The following USP39 variants were observed in gnomAD, a reference collection of about 807,000 sequenced individuals.
USP39 encodes the protein ubiquitin carboxyl-terminal hydrolase 39.
Under a neutral mutation model 66.4 loss-of-function variants are expected in USP39, and 38 were observed. The observed-to-expected ratio is 0.57, with a 90% CI of 0.44 to 0.75. The LOEUF (loss-of-function observed/expected upper bound fraction) is 0.75, where lower values mean the gene tolerates loss of function less well. USP39 is among the 30% of genes least tolerant of loss of function. The probability of loss-of-function intolerance (pLI) is 0.00; values close to 1 mark genes in which losing one functional copy is unlikely to be tolerated. For synonymous variants in USP39, 303 were observed against 274.6 expected, an observed-to-expected ratio of 1.10 and a Z score of -1.02; for missense variants, 608 against 714.4, an observed-to-expected ratio of 0.85 and a Z score of 1.70.
At chr2:85,641,417 C>T (rs1411964833) in intron 10 of USP39, among the ~76,000 whole-genome samples, 1 of 152,132 alleles carries the variant, frequency 6.6e-6, no homozygotes, top group Admixed American at 6.6e-5. Context: ...TAGGATTCTG[C>T]CTGGTTTGGA....
chr2:85,623,542 G>A lies in USP39; in HGVS notation c.434-104G>A, dbSNP rs1019969530. The stretch of plus-strand genomic sequence containing the variant: ...GAATGGCATAATATTTGTTTTTTGC[G>A]GATATTAACATGTTCCGGTAGAAAA... On this transcript the variant is annotated intron_variant, in intron 3 of 12. Coordinates refer to ENST00000323701, the MANE Select transcript of USP39 (RefSeq NM_006590.4). The A allele has an allele frequency of 7.0e-5, 98 of 1,405,684 alleles. 1 individual carries two copies. The highest frequency in any genetic ancestry group is 3.8e-4 in the Middle Eastern group (2 of 5,288). 87.1% of individuals were successfully genotyped at this position (1,405,684 alleles called of 1,614,324 possible). A position where few individuals can be genotyped will look rare whatever the true frequency, so the allele number is the denominator to read the frequency against.
Position 85,629,808 on chromosome 2 carries a change from G to A in USP39, c.724-913G>A, listed in dbSNP as rs368473940. ...CACCTCGCCTGGCCGACCATTTTCC[G>A]TCATAACAGAGTATATTTACTTTTT... On this transcript the variant is annotated intron_variant, in intron 5 of 12. Transcript: ENST00000323701. 3.1e-3 allele frequency among the ~76,000 whole-genome samples: 467 copies of A among 151,848 alleles called. 5 individuals carry two copies. Among genetic ancestry groups the A allele is most frequent in the African/African-American group, 0.011 (446 of 41,410 alleles).
intron 1 of USP39, among the ~76,000 whole-genome samples, chr2:85,605,029 C>G (rs758339931): frequency 3.3e-5 from 5 of 152,178 alleles, no homozygotes; most frequent in Non-Finnish European, 7.3e-5. Flanking sequence ...AATTGTGTAT[C>G]ATGTAAGAAG....
chr2:85,637,731 T>C (rs1030929847), intron 8 of USP39, among the ~76,000 whole-genome samples: 3 of 152,338 alleles, frequency 2.0e-5, no homozygotes, highest in Admixed American at 2.0e-4. Flanking sequence ...AGTCTCCCTC[T>C]GTCGCCAAGG....
Position 85,621,487 on chromosome 2 carries a change from G to A in USP39, c.341G>A (p.Ser114Asn). ...TTTTTTCTGTTTTGTTTCCTTAGGA[G>A]TGTGCTGGACTTTGACTTTGAGAAA... The part of the protein sequence containing the change: ...HCPYLDTINR[S>N]VLDFDFEKLC... Residue 114 changes from serine to asparagine, a missense_variant and splice_region_variant, in exon 3 of 13, where the codon AGT becomes AAT. Ser to Asn is a conservative substitution (Grantham distance 46). Around this residue, in one of 6 missense-constraint regions of USP39, gnomAD observed 115 missense variants for 198.6 expected, o/e 0.58. Transcript: ENST00000323701. 1.2e-6 allele frequency: 2 copies of A among 1,613,940 alleles called. No homozygotes were observed. Among genetic ancestry groups the A allele is most frequent in the South Asian group, 2.2e-5 (2 of 91,080 alleles).
At chr2:85,621,906 G>A (rs1009649715) in intron 3 of USP39, among the ~76,000 whole-genome samples, 4 of 151,476 alleles carry the variant, frequency 2.6e-5, no homozygotes, top group Admixed American at 6.6e-5. Flanking sequence ...TGCAACCTCC[G>A]CCTCCTGGGT....
intron 9 of USP39, 165 bp downstream of exon 9, chr2:85,639,556 G>T: frequency 1.6e-6 from 1 of 621,356 alleles, no homozygotes; most frequent in Non-Finnish European, 2.6e-6. Flanking sequence ...CCAGTTTCAA[G>T]CGATTCTCCT....
chr2:85,637,841 C>T (rs891884378), intron 8 of USP39, among the ~76,000 whole-genome samples: 3 of 151,842 alleles, frequency 2.0e-5, no homozygotes, highest in Non-Finnish European at 4.4e-5. Flanking sequence ...TGATTACAGG[C>T]GCTTGCCACC....
intron 8 of USP39, among the ~76,000 whole-genome samples, chr2:85,638,796 CA>C (rs1676000831): frequency 6.6e-6 from 1 of 151,578 alleles, no homozygotes; most frequent in African/African-American, 2.4e-5. Flanking sequence ...CTCGGCCTCC[CA>C]AAGTGCTGGG....
At chr2:85,648,670 T>C in intron 12 of USP39, 91 bp from the exon 13 acceptor site, 1 of 1,458,818 alleles carries the variant, frequency 6.9e-7, no homozygotes, top group East Asian at 2.3e-5. Context: ...GGGTGACAAG[T>C]TGTCCATGGC....
chr2:85,614,015 G>A (rs1174426352), upstream of USP39, among the ~76,000 whole-genome samples: 5 of 151,824 alleles, frequency 3.3e-5, no homozygotes, highest in Admixed American at 3.3e-4. Flanking sequence ...TGATCCTCCT[G>A]CCTCAGGCCT....
At chr2:85,603,505 T>C (rs192890788) in intron 1 of USP39, among the ~76,000 whole-genome samples, 1 of 151,554 alleles carries the variant, frequency 6.6e-6, no homozygotes, top group Admixed American at 6.6e-5. Flanking sequence ...AACAGGATAG[T>C]GTGGGAAAAA....
chr2:85,619,682 G>GAA (rs1674298842), intron 2 of USP39, among the ~76,000 whole-genome samples: 6 of 151,676 alleles, frequency 4.0e-5, no homozygotes, highest in Admixed American at 1.3e-4. Flanking sequence ...TTCCCAGGTG[G>GAA]CATGTAGAAT....
At chr2:85,628,463 G>T (rs1212240671) in intron 5 of USP39, among the ~76,000 whole-genome samples, 2 of 152,106 alleles carry the variant, frequency 1.3e-5, no homozygotes, top group Non-Finnish European at 2.9e-5. Context: ...ACCATTATAG[G>T]ATGGACAGAT....
rs538016501 is a variant in USP39 at position 85,632,895 on chromosome 2, G to A, written c.949+1949G>A. ...AAGAGACCCTGAGTTTTAGGTAGAGGTGGAGGCAGGTTGGGATGGGGAGTA... is the reference window on the plus strand; with the variant it reads ...AAGAGACCCTGAGTTTTAGGTAGAGATGGAGGCAGGTTGGGATGGGGAGTA... On this transcript the variant is annotated intron_variant, in intron 6 of 12. Transcript: ENST00000323701. Among the ~76,000 whole-genome samples, 4 of 152,234 alleles carry A rather than the reference G, an allele frequency of 2.6e-5. No homozygotes were observed. The South Asian group carries it at 8.3e-4, about 32-fold the overall frequency.
upstream of USP39, among the ~76,000 whole-genome samples, chr2:85,609,873 G>A (rs1558838529): frequency 3.3e-5 from 5 of 152,050 alleles, no homozygotes; most frequent in African/African-American, 1.2e-4. Context: ...TAGAGATGGG[G>A]TTTTACCATG....
intron 10 of USP39, among the ~76,000 whole-genome samples, chr2:85,641,726 AC>A (rs1558872537): frequency 6.6e-6 from 1 of 151,642 alleles, no homozygotes; most frequent in East Asian, 1.9e-4. Flanking sequence ...ACATGGCAAA[AC>A]CCCATCTCTA....
At chr2:85,636,711 G>A (rs1006282048) in intron 7 of USP39, among the ~76,000 whole-genome samples, 2 of 152,046 alleles carry the variant, frequency 1.3e-5, no homozygotes, top group African/African-American at 4.8e-5. Flanking sequence ...TCTCCATGTT[G>A]GCCAGGCTGG....
At chr2:85,611,862 C>A (rs753522677), upstream of USP39, 19 of 1,597,724 alleles carry the variant, frequency 1.2e-5, no homozygotes, top group Middle Eastern at 5.0e-4. Context: ...GGCGGCGGCG[C>A]AGGGCGGGGC....
Sources: gnomAD v4.1 joint callset for allele counts (sites outside exome capture counted in the v4.1 genomes callset) on GRCh38, gnomAD v4.1.1 for gene constraint, gnomAD v4.1.1 regional missense constraint, MANE v1.5 for transcripts, NCBI Gene and HGNC (gene_info 2026-07-23, HGNC 2026-07-21) for gene names.